The following BCAS3 variants were observed in gnomAD, a reference collection of about 807,000 sequenced individuals.
The protein encoded by BCAS3 is BCAS3 microtubule associated cell migration factor.
A neutral mutation model predicts 116.1 loss-of-function variants in BCAS3; 53 were observed. The ratio of observed to expected loss-of-function variants is 0.46; its 90% CI spans 0.37 to 0.57. BCAS3 has a LOEUF of 0.57. BCAS3 is among the 20% of genes least tolerant of loss of function. BCAS3 has a pLI of 0.00. For missense variants in BCAS3, 917 were observed against 1,165.4 expected (o/e 0.79, Z 3.10); for synonymous variants, 391 against 408.2 (o/e 0.96, Z 0.51).
rs2066849105 is a variant in BCAS3 at position 61,034,147 on chromosome 17, G to A, written c.1638-519G>A. Among the ~76,000 whole-genome samples, 1 of 152,172 alleles carries A rather than the reference G, an allele frequency of 6.6e-6. No individual in the cohort carries two copies. The highest frequency in any genetic ancestry group is 2.4e-5 in the African/African-American group (1 of 41,434). ...ACTCTCCATAGCATTGTGGCCGAGA[G>A]AGCATTTTCAAGGCTTCATTCTATA... is the stretch of plus-strand genomic sequence containing the variant. On this transcript the variant is annotated intron_variant, in intron 16 of 23. Transcript: ENST00000407086. The surrounding 1 kb of genome is among the most constrained non-coding windows in gnomAD (Gnocchi z 5.0).
At chr17:61,079,182 G>C (rs1295900793) in intron 21 of BCAS3, among the ~76,000 whole-genome samples, 1 of 151,630 alleles carries the variant, frequency 6.6e-6, no homozygotes, top group Non-Finnish European at 1.5e-5. Flanking sequence ...AGATAATGAA[G>C]GACTCAGTCT....
rs761597280 is a variant in BCAS3, at chr17:61,065,260, G to T, written c.2030-9660G>T. Among the ~76,000 whole-genome samples, 12 of 151,870 alleles carry T rather than the reference G, an allele frequency of 7.9e-5. No homozygotes were observed. Among genetic ancestry groups the T allele is most frequent in the East Asian group, 1.9e-4 (1 of 5,188 alleles). On this transcript the variant is annotated intron_variant, in intron 19 of 23. Transcript: ENST00000407086. This position sits in a 1 kb window ranked among gnomAD's most constrained non-coding sequence, Gnocchi z 4.8. The stretch of plus-strand genomic sequence containing the variant: ...ACTGCCTTTGTTCATTTTGCTTTTG[G>T]ATTATTTGTCTTCTGAACCTTTGTT...
intron 5 of BCAS3, among the ~76,000 whole-genome samples, chr17:60,724,034 C>G (rs1326032183): frequency 6.6e-6 from 1 of 151,522 alleles, no homozygotes; most frequent in African/African-American, 2.4e-5. Flanking sequence ...TTTTCACTTT[C>G]TTAAAATTTT....
intron 14 of BCAS3, among the ~76,000 whole-genome samples, chr17:60,984,136 G>A (rs930986788): frequency 1.2e-4 from 19 of 152,326 alleles, no homozygotes; most frequent in East Asian, 5.8e-4. Flanking sequence ...TCATTTGGAT[G>A]TGTCACAATA....
Position 61,391,873 on chromosome 17 carries a change from G to A in BCAS3, c.2594-104G>A. ...GGGATCCCCCTGCGGAAGGACACAAGTGAACCCAGAATGGTGCCTCAAGGC... is the reference window on the plus strand; with the variant it reads ...GGGATCCCCCTGCGGAAGGACACAAATGAACCCAGAATGGTGCCTCAAGGC... On this transcript the variant is annotated intron_variant, in intron 23 of 23. Coordinates refer to ENST00000407086, the MANE Select transcript of BCAS3 (RefSeq NM_017679.5). This position sits in a 1 kb window ranked among gnomAD's most constrained non-coding sequence, Gnocchi z 7.7. 7.7e-7 allele frequency: 1 copy of A among 1,301,674 alleles called. No individual in the cohort carries two copies. Among genetic ancestry groups the A allele is most frequent in the Non-Finnish European group, 1.1e-6 (1 of 937,604 alleles). The allele number at this position is 1,301,674 out of a possible 1,614,324, so 80.6% of individuals were successfully genotyped here.
intron 19 of BCAS3, among the ~76,000 whole-genome samples, chr17:61,059,753 C>T (rs1052816778): frequency 3.3e-5 from 5 of 152,116 alleles, no homozygotes; most frequent in South Asian, 2.1e-4. Flanking sequence ...TGGCTGGGCA[C>T]GGTGGCTCAC....
In BCAS3 at chr17:61,056,092, C is replaced by G. The variant is rs1209731208; in HGVS notation, c.2029+15200C>G. On this transcript the variant is annotated intron_variant, in intron 19 of 23. Coordinates refer to ENST00000407086, the MANE Select transcript of BCAS3 (RefSeq NM_017679.5). The surrounding 1 kb of genome is among the most constrained non-coding windows in gnomAD (Gnocchi z 4.9). ...TCCTTGGTCACTGCATTCCAGATTT[C>G]TTTCGTGGTATAAATGTGGACCACC... Among the ~76,000 whole-genome samples, 1 of 152,192 alleles carries G rather than the reference C, an allele frequency of 6.6e-6. No individual in the cohort carries two copies. The highest frequency in any genetic ancestry group is 1.5e-5 in the Non-Finnish European group (1 of 68,036).
At chr17:60,735,612 C>G (rs1005843197) in intron 5 of BCAS3, among the ~76,000 whole-genome samples, 13 of 152,066 alleles carry the variant, frequency 8.5e-5, no homozygotes, top group African/African-American at 3.1e-4. Flanking sequence ...TGCCACCATG[C>G]AGCACTAATT....
rs530442323 is a variant in BCAS3 at position 61,104,988 on chromosome 17, C to G, written c.2425+20424C>G. On this transcript the variant is annotated intron_variant, in intron 22 of 23. Transcript: ENST00000407086. The surrounding 1 kb of genome is among the most constrained non-coding windows in gnomAD (Gnocchi z 4.1). ...AAACTCATGAGGCTTTTTCTCATCA[C>G]AAGCTGTGTAATACATACTTCAGGT... Among the ~76,000 whole-genome samples the G allele has an allele frequency of 2.6e-5, 4 of 152,318 alleles. No homozygotes were observed. In the East Asian group the frequency reaches 7.7e-4, roughly 29 times the overall value.
At chr17:61,031,483 C>A (rs893711533) in intron 16 of BCAS3, among the ~76,000 whole-genome samples, 1 of 152,030 alleles carries the variant, frequency 6.6e-6, no homozygotes, top group Non-Finnish European at 1.5e-5. Context: ...GTTAAAATTT[C>A]TAACTTTGAG....
chr17:60,842,973 C>T (rs2052103758), intron 7 of BCAS3, among the ~76,000 whole-genome samples: 2 of 151,246 alleles, frequency 1.3e-5, no homozygotes, highest in South Asian at 2.1e-4. Context: ...CTGGGCTCAA[C>T]GTATCCTCTC....
chr17:61,140,516 C>G lies in BCAS3; in HGVS notation c.2425+55952C>G, dbSNP rs1375006699. On this transcript the variant is annotated intron_variant, in intron 22 of 23. Transcript: ENST00000407086. This position sits in a 1 kb window ranked among gnomAD's most constrained non-coding sequence, Gnocchi z 4.2. The stretch of plus-strand genomic sequence containing the variant: ...CTGTTAAGTGGTTATCACAATCAAA[C>G]ATTTACCAAGTAATCACTGCAAGTG... Among the ~76,000 whole-genome samples the G allele has an allele frequency of 6.6e-6, 1 of 151,380 alleles. No homozygotes were observed. The highest frequency in any genetic ancestry group is 2.4e-5 in the African/African-American group (1 of 41,254).
At chr17:61,055,922 G>C (rs559447033) in intron 19 of BCAS3, among the ~76,000 whole-genome samples, 3 of 152,176 alleles carry the variant, frequency 2.0e-5, no homozygotes, top group African/African-American at 7.2e-5. Flanking sequence ...AGTGAATGGA[G>C]AGAGTTACCG....
At chr17:61,085,338 C>T (rs990350930) in intron 22 of BCAS3, among the ~76,000 whole-genome samples, 5 of 152,132 alleles carry the variant, frequency 3.3e-5, no homozygotes, top group Non-Finnish European at 5.9e-5. Flanking sequence ...ATTAAATACT[C>T]GGCGTTAGTC....
intron 22 of BCAS3, among the ~76,000 whole-genome samples, chr17:61,146,523 C>T (rs1057415253): frequency 1.3e-5 from 2 of 152,144 alleles, no homozygotes; most frequent in African/African-American, 2.4e-5. Context: ...TTTCTGCCCT[C>T]TCCCCACAAC....
chr17:61,060,273 C>T (rs190409257), intron 19 of BCAS3, among the ~76,000 whole-genome samples: 119 of 151,622 alleles, frequency 7.8e-4, no homozygotes, highest in African/African-American at 2.7e-3. Flanking sequence ...ACTACAGGCG[C>T]CCACCACCAC....
intron 22 of BCAS3, among the ~76,000 whole-genome samples, chr17:61,255,930 A>C (rs1037141303): frequency 6.6e-6 from 1 of 152,228 alleles, no homozygotes; most frequent in Non-Finnish European, 1.5e-5. Context: ...ATTTGCTCCT[A>C]GACTTTAGAG....
chr17:61,101,400 G>T (rs2074320212), intron 22 of BCAS3, among the ~76,000 whole-genome samples: 1 of 152,226 alleles, frequency 6.6e-6, no homozygotes, highest in African/African-American at 2.4e-5. Flanking sequence ...TCAAACTAAA[G>T]GAATACCAGT....
At chr17:60,695,119 ATTTTTTT>A (rs61173709) in intron 4 of BCAS3, among the ~76,000 whole-genome samples, 1 of 129,166 alleles carries the variant, frequency 7.7e-6, no homozygotes, top group Non-Finnish European at 1.6e-5. Context: ...TATATACCAC[ATTTTTTT>A]TTTTTTTTTT....
Sources: allele counts gnomAD v4.1 joint callset (sites outside exome capture counted in the v4.1 genomes callset), GRCh38; gene constraint gnomAD v4.1.1; non-coding constraint Gnocchi (gnomAD v3.1); transcripts MANE v1.5; gene names NCBI Gene and HGNC (gene_info 2026-07-23, HGNC 2026-07-21).